Variants in DCC observed in about 807,000 individuals in gnomAD.
DCC encodes DCC netrin 1 receptor, also known as netrin receptor DCC.
Under a neutral mutation model 172.5 loss-of-function variants are expected in DCC, and 58 were observed. That is an observed-to-expected ratio of 0.34 (90% CI 0.27 to 0.42). DCC has a LOEUF of 0.42. DCC is among the 10% of genes least tolerant of loss of function. The pLI, the probability that DCC is intolerant of heterozygous loss-of-function variation, is 1.00. For missense variants in DCC, 1,740 were observed against 1,791.0 expected (o/e 0.97, Z 0.51); for synonymous variants, 709 against 644.5 (o/e 1.10, Z -1.52).
chr18:52,825,347 G>A (rs2038491582), intron 2 of DCC, among the ~76,000 whole-genome samples: 1 of 151,976 alleles, frequency 6.6e-6, no homozygotes, highest in South Asian at 2.1e-4. Context: ...TCATACCTTG[G>A]TGTCTGAAAA....
intron 1 of DCC, among the ~76,000 whole-genome samples, chr18:52,626,286 CCTTGA>C (rs751594850): frequency 1.3e-5 from 2 of 152,200 alleles, no homozygotes; most frequent in East Asian, 3.8e-4. Context: ...TTTGCTTCCT[CCTTGA>C]CTTGTGTCTT....
chr18:53,397,571 C>T, intron 18 of DCC, 125 bp downstream of exon 18: 1 of 1,017,884 alleles, frequency 9.8e-7, no homozygotes, highest in Non-Finnish European at 1.5e-6. Context: ...AGTTCATCCT[C>T]TATAGTTCAT....
chr18:53,031,223 C>A (rs757337689), intron 5 of DCC, among the ~76,000 whole-genome samples: 2 of 152,150 alleles, frequency 1.3e-5, no homozygotes, highest in African/African-American at 2.4e-5. Context: ...TGTGCCACTG[C>A]ACTCCAGCCT....
At chr18:52,784,279 A>G (rs78714353) in intron 2 of DCC, among the ~76,000 whole-genome samples, 8,043 of 152,042 alleles carry the variant, frequency 0.053, 289 homozygotes, top group South Asian at 0.16. Context: ...ATGATATTCT[A>G]TTTTGTATTT....
intron 1 of DCC, among the ~76,000 whole-genome samples, chr18:52,586,990 G>T (rs185197702): frequency 6.6e-6 from 1 of 152,156 alleles, no homozygotes. Context: ...CATGACAGTG[G>T]GTAAGGCATT....
chr18:53,141,418 G>A (rs1308687947), intron 7 of DCC, among the ~76,000 whole-genome samples: 4 of 152,186 alleles, frequency 2.6e-5, no homozygotes, highest in Non-Finnish European at 5.9e-5. Context: ...AATAGTCAAA[G>A]ATGGGGAAAA....
chr18:52,941,028 G>C (rs1414259678), intron 5 of DCC: 4 of 152,124 alleles, frequency 2.6e-5, no homozygotes, highest in Non-Finnish European at 5.9e-5. Flanking sequence ...GACCAGATGA[G>C]AAATTTTCAG....
chr18:53,344,934 G>T (rs939606509), intron 15 of DCC, among the ~76,000 whole-genome samples: 2 of 149,680 alleles, frequency 1.3e-5, no homozygotes, highest in African/African-American at 2.4e-5. Context: ...TCTTATAAGA[G>T]ATCAGCTGAC....
At chr18:53,115,459 G>A (rs4474758) in intron 7 of DCC, among the ~76,000 whole-genome samples, 104,350 of 151,236 alleles carry the variant, frequency 0.69, 37,787 homozygotes, top group African/African-American at 0.9. Context: ...ATAGAAACTA[G>A]TAGTGACTTA....
chr18:52,929,707 T>C (rs2040274154), intron 5 of DCC, among the ~76,000 whole-genome samples: 1 of 152,022 alleles, frequency 6.6e-6, no homozygotes, highest in Non-Finnish European at 1.5e-5. Flanking sequence ...TGTGGAGGTA[T>C]AAAAGTTGAC....
intron 2 of DCC, among the ~76,000 whole-genome samples, chr18:52,814,566 A>G (rs1436697881): frequency 2.0e-5 from 3 of 152,238 alleles, no homozygotes; most frequent in Admixed American, 1.3e-4. Flanking sequence ...AGAAAAGGTT[A>G]AGATAGAAAA....
intron 8 of DCC, among the ~76,000 whole-genome samples, chr18:53,168,841 C>A (rs16956268): frequency 6.6e-6 from 1 of 151,908 alleles, no homozygotes; most frequent in African/African-American, 2.4e-5. Context: ...TGGGCCACAT[C>A]GTGAAGGTCT....
intron 5 of DCC, among the ~76,000 whole-genome samples, chr18:52,991,055 G>A (rs2041381573): frequency 6.6e-6 from 1 of 152,220 alleles, no homozygotes; most frequent in Non-Finnish European, 1.5e-5. Flanking sequence ...CAAGCCCAAG[G>A]ATTTACATTA....
chr18:53,378,480 A>T (rs765457343), intron 15 of DCC, among the ~76,000 whole-genome samples: 29 of 152,336 alleles, frequency 1.9e-4, no homozygotes, highest in South Asian at 6.2e-4. Context: ...GGAAAATATT[A>T]TAAAATATCT....
At chr18:52,562,775 A>T (rs753428957) in intron 1 of DCC, among the ~76,000 whole-genome samples, 1 of 151,828 alleles carries the variant, frequency 6.6e-6, no homozygotes, top group African/African-American at 2.4e-5. Context: ...AATTTTAATC[A>T]TTTTCTTTAT....
At chr18:53,406,796 T>C (rs897775553) in intron 19 of DCC, among the ~76,000 whole-genome samples, 3 of 151,970 alleles carry the variant, frequency 2.0e-5, no homozygotes, top group Admixed American at 6.6e-5. Flanking sequence ...TGTGTGGTTA[T>C]ATAGAAATTT....
At chr18:53,322,666 A>G (rs529654147) in intron 14 of DCC, among the ~76,000 whole-genome samples, 1 of 151,908 alleles carries the variant, frequency 6.6e-6, no homozygotes, top group East Asian at 1.9e-4. Context: ...GTTGTCCTGA[A>G]ACATTTATCA....
intron 12 of DCC, among the ~76,000 whole-genome samples, chr18:53,246,434 A>G (rs2056365635): frequency 6.6e-6 from 1 of 152,000 alleles, no homozygotes; most frequent in Admixed American, 6.6e-5. Context: ...CTTGGATCTG[A>G]GAAAGGGTCA....
intron 2 of DCC, among the ~76,000 whole-genome samples, chr18:52,892,192 T>C (rs920062463): frequency 3.9e-5 from 6 of 152,104 alleles, no homozygotes; most frequent in Non-Finnish European, 5.9e-5. Context: ...TCATGGATAT[T>C]ACCATCAGGA....
Sources: allele counts gnomAD v4.1 joint callset (sites outside exome capture counted in the v4.1 genomes callset), GRCh38; gene constraint gnomAD v4.1.1; transcripts MANE v1.5; gene names NCBI Gene and HGNC (gene_info 2026-07-23, HGNC 2026-07-21).